The following KAZN variants were observed in gnomAD, a reference collection of about 807,000 sequenced individuals.
KAZN encodes kazrin.
A neutral mutation model predicts 87.4 loss-of-function variants in KAZN; 40 were observed. That is an observed-to-expected ratio of 0.46 (90% confidence interval 0.36 to 0.60). KAZN has a LOEUF of 0.60. Among genes scored for constraint, KAZN ranks in the 20% least tolerant of loss-of-function variants. The pLI, the probability that KAZN is intolerant of heterozygous loss-of-function variation, is 0.00. For missense variants in KAZN, 898 were observed against 1,073.9 expected (o/e 0.84, Z 2.29); for synonymous variants, 466 against 458.3 (o/e 1.02, Z -0.22).
intron 2 of KAZN, among the ~76,000 whole-genome samples, chr1:14,384,351 T>C (rs966464036): frequency 2.6e-5 from 4 of 152,134 alleles, no homozygotes; most frequent in South Asian, 4.1e-4. Context: ...TCCAACACTA[T>C]GTTGAATAGG....
At chr1:14,901,993 G>A (rs764955523) in intron 1 of KAZN, among the ~76,000 whole-genome samples, 6 of 152,160 alleles carry the variant, frequency 3.9e-5, no homozygotes, top group Non-Finnish European at 8.8e-5. Context: ...AACTGGTAAA[G>A]GCAACTTATG....
chr1:14,543,239 G>A (rs1392706909), intron 2 of KAZN, among the ~76,000 whole-genome samples: 2 of 152,232 alleles, frequency 1.3e-5, no homozygotes, highest in South Asian at 2.1e-4. Flanking sequence ...ACGAACATAA[G>A]TGTTCAAGAT....
rs577043259 is a variant in KAZN, at chr1:14,283,205, C to T, written c.249+102613C>T. ...GACAAAACAGTTCCCTAAAGTCTGA[C>T]TCTTTCCTTCTGGATTTGCAGACTC... is the stretch of plus-strand genomic sequence containing the variant. On this transcript the variant is annotated intron_variant, in intron 2 of 16. Transcript: ENST00000636203. 3.3e-5 allele frequency among the ~76,000 whole-genome samples: 5 copies of T among 152,302 alleles called. No homozygotes were observed. In the South Asian group the frequency reaches 6.2e-4, roughly 19 times the overall value.
chr1:14,005,702 A>T (rs1640007103), intron 1 of KAZN, among the ~76,000 whole-genome samples: 1 of 152,212 alleles, frequency 6.6e-6, no homozygotes, highest in East Asian at 1.9e-4. Flanking sequence ...GAGGATCTTT[A>T]CCTATAGAAT....
intron 1 of KAZN, among the ~76,000 whole-genome samples, chr1:14,734,952 G>A (rs1370593298): frequency 6.6e-6 from 1 of 152,204 alleles, no homozygotes; most frequent in African/African-American, 2.4e-5. Flanking sequence ...CTCTGTGTAG[G>A]TTGTAAAATT....
intron 2 of KAZN, among the ~76,000 whole-genome samples, chr1:14,327,258 G>A (rs1656502375): frequency 6.6e-6 from 1 of 152,080 alleles, no homozygotes; most frequent in African/African-American, 2.4e-5. Flanking sequence ...GTATTTCAAT[G>A]TGTTCTCTCC....
At chr1:15,030,793 G>A (rs1346861143) in intron 2 of KAZN, among the ~76,000 whole-genome samples, 2 of 152,188 alleles carry the variant, frequency 1.3e-5, no homozygotes, top group Non-Finnish European at 1.5e-5. Flanking sequence ...CTGGAATTCC[G>A]GCCCTGGTGA....
intron 2 of KAZN, among the ~76,000 whole-genome samples, chr1:14,592,568 TGTG>T (rs1676268415): frequency 6.6e-6 from 1 of 152,198 alleles, no homozygotes; most frequent in African/African-American, 2.4e-5. Flanking sequence ...TTCCATGTCA[TGTG>T]GTCTTCATCT....
intron 1 of KAZN, among the ~76,000 whole-genome samples, chr1:14,761,230 G>A (rs1271957179): frequency 6.6e-6 from 1 of 152,132 alleles, no homozygotes; most frequent in African/African-American, 2.4e-5. Flanking sequence ...TCTCTTCCTG[G>A]AGCCCCCTGC....
At chr1:15,058,515 C>T (rs968561735) in intron 5 of KAZN, among the ~76,000 whole-genome samples, 1 of 152,236 alleles carries the variant, frequency 6.6e-6, no homozygotes, top group Non-Finnish European at 1.5e-5. Context: ...GTGCCAATGC[C>T]TGCAGACAGG....
chr1:14,774,747 A>C (rs1645127150), intron 1 of KAZN, among the ~76,000 whole-genome samples: 1 of 152,144 alleles, frequency 6.6e-6, no homozygotes, highest in African/African-American at 2.4e-5. Flanking sequence ...GGCCTCCCAA[A>C]GTGCTGGGAC....
chr1:14,907,035 C>G (rs982539950), intron 1 of KAZN, among the ~76,000 whole-genome samples: 1 of 151,772 alleles, frequency 6.6e-6, no homozygotes, highest in African/African-American at 2.4e-5. Context: ...TGGACCAAGA[C>G]CAGCAGCATC....
At chr1:15,040,714 C>CTCTT (rs1000507523) in intron 3 of KAZN, among the ~76,000 whole-genome samples, 2 of 151,570 alleles carry the variant, frequency 1.3e-5, no homozygotes, top group Admixed American at 1.3e-4. Context: ...TGCAGTCAGC[C>CTCTT]AAGATCGCAC....
At position 15,028,582 on chromosome 1, in the gene KAZN, G is replaced by A. The variant is rs1339547427; in HGVS notation, c.419-6167G>A. Among the ~76,000 whole-genome samples the A allele has an allele frequency of 2.0e-5, 3 of 151,904 alleles. No homozygotes were observed. In the East Asian group the frequency reaches 5.8e-4, roughly 29 times the overall value. ...TTAAATTATTTCTTGGGGGCCCATCGCACCAGCCTCCTTGTTTGTGTAGAG... is the reference window on the plus strand; with the variant it reads ...TTAAATTATTTCTTGGGGGCCCATCACACCAGCCTCCTTGTTTGTGTAGAG... On this transcript the variant is annotated intron_variant, in intron 2 of 14. Transcript: ENST00000376030.
intron 1 of KAZN, among the ~76,000 whole-genome samples, chr1:14,126,785 A>G (rs1557496356): frequency 6.6e-6 from 1 of 152,144 alleles, no homozygotes; most frequent in East Asian, 1.9e-4. Flanking sequence ...TTGGAGAATG[A>G]TGATGTAACT....
At chr1:15,069,446 G>A (rs1441403395) in intron 8 of KAZN, among the ~76,000 whole-genome samples, 2 of 152,182 alleles carry the variant, frequency 1.3e-5, no homozygotes, top group Non-Finnish European at 2.9e-5. Context: ...CAAGAGCCAG[G>A]CCATACCTTA....
At chr1:14,440,834 T>A (rs1391644325) in intron 2 of KAZN, among the ~76,000 whole-genome samples, 1 of 152,154 alleles carries the variant, frequency 6.6e-6, no homozygotes, top group African/African-American at 2.4e-5. Flanking sequence ...ACATGTTAAG[T>A]CAGGTGTCCA....
chr1:14,954,908 C>T (rs1318164277), intron 1 of KAZN, among the ~76,000 whole-genome samples: 3 of 152,044 alleles, frequency 2.0e-5, no homozygotes, highest in East Asian at 1.9e-4. Flanking sequence ...GCCAAGATCG[C>T]GCCACTGTAC....
chr1:13,931,442 A>G (rs1439920855), intron 1 of KAZN, among the ~76,000 whole-genome samples: 1 of 103,180 alleles, frequency 9.7e-6, no homozygotes, highest in African/African-American at 3.6e-5. Flanking sequence ...TTTTTCAGCC[A>G]GAGGGGTGTG....
Sources: allele counts gnomAD v4.1 joint callset (sites outside exome capture counted in the v4.1 genomes callset), GRCh38; gene constraint gnomAD v4.1.1; transcripts MANE v1.5; gene names NCBI Gene and HGNC (gene_info 2026-07-23, HGNC 2026-07-21).